The following PCDHA13 variants were observed in gnomAD, a reference collection of about 807,000 sequenced individuals.
The protein encoded by PCDHA13 is protocadherin alpha 13.
PCDHA13 carries 54 observed loss-of-function variants against 64.8 expected under a neutral mutation model. The observed-to-expected ratio is 0.83, with a 90% CI of 0.67 to 1.04. PCDHA13 has a LOEUF of 1.04. PCDHA13 is among the 50% of genes least tolerant of loss of function. The probability of loss-of-function intolerance (pLI) is 0.00; values close to 1 mark genes in which losing one functional copy is unlikely to be tolerated. For synonymous variants in PCDHA13, 587 were observed against 564.4 expected (o/e 1.04, Z -0.57); for missense variants, 1,248 against 1,254.3 (o/e 0.99, Z 0.08).
At chr5:140,970,810 A>G (rs2096434442) in intron 1 of PCDHA13, among the ~76,000 whole-genome samples, 1 of 152,138 alleles carries the variant, frequency 6.6e-6, no homozygotes. Flanking sequence ...TTACATTTCA[A>G]GTTCATGGTA....
intron 1 of PCDHA13, chr5:140,930,027 T>A (rs1554207548): frequency 6.6e-6 from 1 of 152,190 alleles, no homozygotes; most frequent in Non-Finnish European, 1.5e-5. Context: ...CATAGCAGTG[T>A]TTTGTAACTG....
chr5:140,902,526 T>C (rs1388582391), intron 1 of PCDHA13, among the ~76,000 whole-genome samples: 1 of 152,140 alleles, frequency 6.6e-6, no homozygotes, highest in African/African-American at 2.4e-5. Flanking sequence ...GTTTTTATTA[T>C]GTTGAGGTAT....
Position 140,927,187 on chromosome 5 carries a change from C to G in PCDHA13, c.2394+42525C>G, listed in dbSNP as rs558671063. 141 of 1,614,164 alleles carry G rather than the reference C, an allele frequency of 8.7e-5. 1 individual carries two copies. The South Asian group carries it at 1.5e-3, about 17-fold the overall frequency. The stretch of plus-strand genomic sequence containing the variant: ...AGCTGCCTGCGTCTTGACCTACGAC[C>G]TGGTGCTCGAGGACCCGCTGGAGCT... On this transcript the variant is annotated intron_variant, in intron 1 of 3. Transcript: ENST00000289272.
At chr5:140,960,380 A>G (rs2095544105) in intron 1 of PCDHA13, among the ~76,000 whole-genome samples, 2 of 152,200 alleles carry the variant, frequency 1.3e-5, no homozygotes, top group African/African-American at 4.8e-5. Flanking sequence ...TTAAGTGCCA[A>G]GACATTAGGA....
At chr5:140,985,607 C>T (rs1554247195) in intron 3 of PCDHA13, among the ~76,000 whole-genome samples, 1 of 152,156 alleles carries the variant, frequency 6.6e-6, no homozygotes, top group Non-Finnish European at 1.5e-5. Flanking sequence ...GAGCCCTTTC[C>T]GTGAACCAGC....
At chr5:140,967,915 T>C in intron 1 of PCDHA13, 1 of 1,614,148 alleles carries the variant, frequency 6.2e-7, no homozygotes, top group Non-Finnish European at 8.5e-7. Context: ...CCAACACCAT[T>C]GTGGCCGTTC....
chr5:141,011,745 A>G lies in PCDHA13; in HGVS notation c.*1808A>G, dbSNP rs1378591918. 3 of 153,762 alleles carry G rather than the reference A, an allele frequency of 2.0e-5. No individual in the cohort carries two copies. The highest frequency in any genetic ancestry group is 1.9e-4 in the East Asian group (1 of 5,196). 9.5% of individuals were successfully genotyped at this position (153,762 alleles called of 1,614,324 possible). ...GGGTGTGCAAGCACAAATTTTACCA[A>G]TCTGACCTCTTTGAAGTTGCAGAAT... On this transcript the variant is annotated 3_prime_UTR_variant, in exon 4 of 4. Coordinates refer to ENST00000289272, the MANE Select transcript of PCDHA13 (RefSeq NM_018904.3).
chr5:140,896,366 C>T (rs905088200), intron 1 of PCDHA13, among the ~76,000 whole-genome samples: 1 of 152,090 alleles, frequency 6.6e-6, no homozygotes, highest in Non-Finnish European at 1.5e-5. Context: ...TATAAGCATT[C>T]CCTTTTCTCT....
chr5:140,883,121 G>C lies in PCDHA13; in HGVS notation c.853G>C (p.Val285Leu). 12 of 1,614,070 alleles carry C rather than the reference G, an allele frequency of 7.4e-6. No individual in the cohort carries two copies. The highest frequency in any genetic ancestry group is 1.0e-5 in the Non-Finnish European group (12 of 1,180,004). Residue 285 changes from valine (V) to leucine (L), a missense_variant, in exon 1 of 4, where the codon GTA becomes CTA. Physicochemically the swap from Val to Leu is conservative, Grantham distance 32. Transcript: ENST00000289272. Reference sequence around the variant, plus strand: ...TATAGTTTACTCATTTAGAAGGCCTGTATGGCCTGCAGTGGTATATGCATT... The same window carrying C: ...TATAGTTTACTCATTTAGAAGGCCTCTATGGCCTGCAGTGGTATATGCATT... ...GDIVYSFRRPVWPAVVYAFTI... is the reference protein window; with the variant it reads ...GDIVYSFRRPLWPAVVYAFTI...
intron 1 of PCDHA13, among the ~76,000 whole-genome samples, chr5:140,922,269 T>C (rs782114145): frequency 1.3e-5 from 2 of 152,214 alleles, no homozygotes; most frequent in Non-Finnish European, 2.9e-5. Context: ...GCCATGAAGA[T>C]TGGACCAAGA....
intron 1 of PCDHA13, among the ~76,000 whole-genome samples, chr5:140,907,411 G>T (rs1053744231): frequency 6.6e-6 from 1 of 152,192 alleles, no homozygotes; most frequent in Non-Finnish European, 1.5e-5. Flanking sequence ...GGAATACCAC[G>T]ATGGTGGATA....
chr5:140,916,840 C>G (rs1350788875), intron 1 of PCDHA13, among the ~76,000 whole-genome samples: 1 of 152,128 alleles, frequency 6.6e-6, no homozygotes, highest in African/African-American at 2.4e-5. Context: ...TGGTTCTGAG[C>G]CCAGCCCAGC....
At chr5:140,959,624 AAAAG>A (rs2095502972) in intron 1 of PCDHA13, among the ~76,000 whole-genome samples, 1 of 152,220 alleles carries the variant, frequency 6.6e-6, no homozygotes, top group Non-Finnish European at 1.5e-5. Context: ...GTGATAGAAA[AAAAG>A]AGAGAAAAAA....
At position 140,902,128 on chromosome 5, in the gene PCDHA13, A is replaced by T. The variant is rs140093707; in HGVS notation, c.2394+17466A>T. On this transcript the variant is annotated intron_variant, in intron 1 of 3. Transcript: ENST00000289272. ...ATTTTTTTAAAACTGAGATTATATC[A>T]TCTGCAAACAAGGATAATTTGATTT... Among the ~76,000 whole-genome samples the T allele has an allele frequency of 8.6e-3, 1,299 of 150,978 alleles. 13 individuals are homozygous for T. Among genetic ancestry groups the T allele is most frequent in the African/African-American group, 0.03 (1,241 of 41,218 alleles).
intron 1 of PCDHA13, chr5:140,967,032 A>G (rs2096085772): frequency 6.2e-7 from 1 of 1,610,180 alleles, no homozygotes; most frequent in African/African-American, 1.3e-5. Context: ...AGTCCGCGCT[A>G]CCTGGAGCTG....
chr5:140,889,241 T>C (rs987868473), intron 1 of PCDHA13, among the ~76,000 whole-genome samples: 120 of 151,950 alleles, frequency 7.9e-4, no homozygotes, highest in African/African-American at 2.7e-3. Context: ...TCCAGAAAAT[T>C]TTCTGTTTCC....
intron 1 of PCDHA13, among the ~76,000 whole-genome samples, chr5:140,924,926 TAAAATAAAATAAAAA>T (rs1425116753): frequency 8.4e-6 from 1 of 119,430 alleles, no homozygotes; most frequent in Non-Finnish European, 1.8e-5. Flanking sequence ...TAAAATAAAA[TAAAATAAAATAAAAA>T]GTTAAAAAAA....
chr5:140,953,517 A>G (rs1554220954), intron 1 of PCDHA13, among the ~76,000 whole-genome samples: 1 of 152,168 alleles, frequency 6.6e-6, no homozygotes, highest in African/African-American at 2.4e-5. Flanking sequence ...CAAAGCAACA[A>G]AAACGGGAAA....
chr5:140,920,400 T>C (rs1185930806), intron 1 of PCDHA13, among the ~76,000 whole-genome samples: 1 of 152,244 alleles, frequency 6.6e-6, no homozygotes, highest in Non-Finnish European at 1.5e-5. Context: ...TGGTGTCTTT[T>C]TTTAATCAGA....
Sources: gnomAD v4.1 joint callset for allele counts (sites outside exome capture counted in the v4.1 genomes callset) on GRCh38, gnomAD v4.1.1 for gene constraint, MANE v1.5 for transcripts, NCBI Gene and HGNC (gene_info 2026-07-23, HGNC 2026-07-21) for gene names.